The following PLEKHA7 variants were observed in gnomAD, a reference collection of about 807,000 sequenced individuals.
PLEKHA7 encodes pleckstrin homology domain containing A7, also known as pleckstrin homology domain-containing family A member 7.
Under a neutral mutation model 170.0 loss-of-function variants are expected in PLEKHA7, and 104 were observed. That is an observed-to-expected ratio of 0.61 (90% CI 0.52 to 0.72). The LOEUF is 0.72. Ranked by LOEUF, PLEKHA7 falls within the 30% of genes least tolerant of loss-of-function variation. The probability of loss-of-function intolerance (pLI) is 0.00; values close to 1 mark genes in which losing one functional copy is unlikely to be tolerated. For missense variants in PLEKHA7, 1,615 were observed against 1,671.7 expected (o/e 0.97, Z 0.59); for synonymous variants, 648 against 660.8 (o/e 0.98, Z 0.30).
chr11:16,790,876 T>C lies in PLEKHA7; in HGVS notation c.2974A>G (p.Thr992Ala), dbSNP rs1847795835. 2 of 1,611,762 alleles carry C rather than the reference T, an allele frequency of 1.2e-6. No homozygotes were observed. Among genetic ancestry groups the C allele is most frequent in the Non-Finnish European group, 1.7e-6 (2 of 1,179,212 alleles). The change falls in exon 21 of 27, where the codon ACC becomes GCC. Residue 992 changes from threonine (T) to alanine (A), a missense_variant. Physicochemically the swap from Thr to Ala is moderately conservative, Grantham distance 58. Coordinates refer to ENST00000531066, the MANE Select transcript of PLEKHA7 (RefSeq NM_001329630.2). Reference protein sequence around the residue: ...RSYVSEPELATLSGDMAQPSL... With the variant: ...RSYVSEPELAALSGDMAQPSL... ...GGCTGGGCCATGTCCCCGCTGAGGG[T>C]CGCCAGCTCAGGCTCACTGACATAC... is the stretch of plus-strand genomic sequence containing the variant.
At position 16,779,983 on chromosome 11, in the gene PLEKHA7, G is replaced by C. The variant is rs58003224; in HGVS notation, c.3794-963C>G. 5.2e-3 allele frequency among the ~76,000 whole-genome samples: 672 copies of C among 128,624 alleles called. 2 individuals are homozygous for C. Among genetic ancestry groups the C allele is most frequent in the Non-Finnish European group, 7.1e-3 (393 of 55,662 alleles). 84.4% of individuals were successfully genotyped at this position (128,624 alleles called of 152,430 possible). On this transcript the variant is annotated intron_variant, in intron 26 of 26. Coordinates refer to ENST00000531066, the MANE Select transcript of PLEKHA7 (RefSeq NM_001329630.2). Reference sequence around the variant, plus strand: ...TTTTTTCATCTCTAAAACGGGGAGGGGGGGGGGAATATCTTCATAGGGTTG... The same window carrying C: ...TTTTTTCATCTCTAAAACGGGGAGGCGGGGGGGAATATCTTCATAGGGTTG...
intron 10 of PLEKHA7, among the ~76,000 whole-genome samples, chr11:16,818,977 G>A (rs1424622101): frequency 1.3e-5 from 2 of 148,450 alleles, no homozygotes; most frequent in East Asian, 4.0e-4. Context: ...CTAATTTTTT[G>A]TATTTTTAGT....
At chr11:16,804,207 T>C (rs1025517702) in intron 13 of PLEKHA7, among the ~76,000 whole-genome samples, 1 of 152,200 alleles carries the variant, frequency 6.6e-6, no homozygotes, top group Non-Finnish European at 1.5e-5. Flanking sequence ...AAGTCTATTT[T>C]GCCTAATGTA....
chr11:17,012,390 G>A (rs960898824), intron 3 of PLEKHA7, among the ~76,000 whole-genome samples: 3 of 152,112 alleles, frequency 2.0e-5, no homozygotes, highest in Non-Finnish European at 2.9e-5. Flanking sequence ...TTAAGCCCTT[G>A]CCCTGGCTGT....
At chr11:16,863,429 C>T (rs1460727494) in intron 4 of PLEKHA7, among the ~76,000 whole-genome samples, 1 of 152,158 alleles carries the variant, frequency 6.6e-6, no homozygotes, top group Non-Finnish European at 1.5e-5. Context: ...AGCAAGGGCA[C>T]CCTCCAGGTT....
chr11:16,851,731 G>T (rs1344605492), intron 7 of PLEKHA7, among the ~76,000 whole-genome samples: 1 of 152,078 alleles, frequency 6.6e-6, no homozygotes, highest in Non-Finnish European at 1.5e-5. Flanking sequence ...TTACAGGTGT[G>T]AGCCACAGTG....
intron 7 of PLEKHA7, among the ~76,000 whole-genome samples, chr11:16,851,620 T>C (rs1852967120): frequency 6.6e-6 from 1 of 152,098 alleles, no homozygotes; most frequent in African/African-American, 2.4e-5. Flanking sequence ...GGCTAATTTT[T>C]GTATTTTTAG....
At chr11:16,994,659 C>T (rs2136983811) in intron 3 of PLEKHA7, among the ~76,000 whole-genome samples, 1 of 152,288 alleles carries the variant, frequency 6.6e-6, no homozygotes, top group East Asian at 1.9e-4. Context: ...TTCCAGTGTC[C>T]TAGAACACGA....
chr11:16,985,791 G>C (rs540752283), intron 3 of PLEKHA7, among the ~76,000 whole-genome samples: 36 of 152,352 alleles, frequency 2.4e-4, no homozygotes, highest in African/African-American at 8.7e-4. Context: ...TGTGGCAAGA[G>C]AGGATGCTAG....
intron 3 of PLEKHA7, among the ~76,000 whole-genome samples, chr11:16,895,657 A>G (rs1856951676): frequency 6.6e-6 from 1 of 152,230 alleles, no homozygotes; most frequent in East Asian, 1.9e-4. Context: ...GAGGGCACCA[A>G]GGAACAATCT....
intron 3 of PLEKHA7, among the ~76,000 whole-genome samples, chr11:16,925,767 AG>A (rs1859479922): frequency 6.6e-6 from 1 of 152,234 alleles, no homozygotes; most frequent in Non-Finnish European, 1.5e-5. Flanking sequence ...CACCGATCAA[AG>A]CACGTGGCGC....
At chr11:16,988,087 T>C (rs1291518026) in intron 3 of PLEKHA7, among the ~76,000 whole-genome samples, 1 of 152,214 alleles carries the variant, frequency 6.6e-6, no homozygotes, top group African/African-American at 2.4e-5. Flanking sequence ...CTACCTCACC[T>C]ACAGGGGAAG....
At chr11:16,934,109 C>T (rs1295226994) in intron 3 of PLEKHA7, among the ~76,000 whole-genome samples, 1 of 152,292 alleles carries the variant, frequency 6.6e-6, no homozygotes, top group African/African-American at 2.4e-5. Context: ...AGTTATCGTG[C>T]CTCCTGCCGG....
At chr11:16,957,032 G>A (rs531547727) in intron 3 of PLEKHA7, among the ~76,000 whole-genome samples, 1 of 152,302 alleles carries the variant, frequency 6.6e-6, no homozygotes, top group South Asian at 2.1e-4. Flanking sequence ...ACCTGCTAAG[G>A]AATTGTTCTG....
chr11:16,912,400 A>G (rs1329627471), intron 3 of PLEKHA7, among the ~76,000 whole-genome samples: 3 of 152,232 alleles, frequency 2.0e-5, no homozygotes, highest in Non-Finnish European at 4.4e-5. Flanking sequence ...ATTTGGTATA[A>G]CTATAAAGGG....
chr11:16,963,970 G>A (rs10741716), intron 3 of PLEKHA7, among the ~76,000 whole-genome samples: 73,054 of 151,928 alleles, frequency 0.48, 18,394 homozygotes, highest in East Asian at 0.74. Context: ...AACAACCCCC[G>A]ATTTCTCCCT....
chr11:16,816,136 T>C (rs1028709399), intron 12 of PLEKHA7, 42 bp downstream of exon 12: 1 of 1,493,714 alleles, frequency 6.7e-7, no homozygotes, highest in Non-Finnish European at 9.3e-7. Context: ...AAAATGTTGA[T>C]GAGATAGGGC....
chr11:16,998,922 AT>A (rs559911323), intron 3 of PLEKHA7, among the ~76,000 whole-genome samples: 161 of 151,230 alleles, frequency 1.1e-3, no homozygotes, highest in African/African-American at 3.7e-3. Flanking sequence ...CCACTGACTT[AT>A]CCCCCTCCTC....
chr11:16,908,367 G>C (rs1368969099), intron 3 of PLEKHA7, among the ~76,000 whole-genome samples: 1 of 152,014 alleles, frequency 6.6e-6, no homozygotes, highest in African/African-American at 2.4e-5. Flanking sequence ...ATTGGACACA[G>C]AGATGACTAT....
Sources: allele counts gnomAD v4.1 joint callset (sites outside exome capture counted in the v4.1 genomes callset), GRCh38; gene constraint gnomAD v4.1.1; transcripts MANE v1.5; gene names NCBI Gene and HGNC (gene_info 2026-07-23, HGNC 2026-07-21).